The following FLRT1 variants were observed in gnomAD, a reference collection of about 807,000 sequenced individuals.
FLRT1 encodes the protein fibronectin leucine rich transmembrane protein 1.
In FLRT1, 14 loss-of-function variants were observed where a neutral mutation model predicts 30.9. That is an observed-to-expected ratio of 0.45 (90% confidence interval 0.30 to 0.71). The LOEUF is 0.71. FLRT1 is among the 30% of genes least tolerant of loss of function. The pLI is 0.08. For synonymous variants in FLRT1, 368 were observed against 430.4 expected (o/e 0.85, Z 1.80); for missense variants, 737 against 949.2 (o/e 0.78, Z 2.94).
chr11:64,041,181 A>G (rs1943477109), intron 1 of FLRT1, among the ~76,000 whole-genome samples: 1 of 144,570 alleles, frequency 6.9e-6, no homozygotes, highest in South Asian at 2.3e-4. Flanking sequence ...ACCAGATTAC[A>G]ACAGATTTAG....
intron 1 of FLRT1, among the ~76,000 whole-genome samples, chr11:64,063,577 T>C (rs2134443827): frequency 6.6e-6 from 1 of 152,292 alleles, no homozygotes; most frequent in Admixed American, 6.5e-5. Flanking sequence ...ATGCGGCCTC[T>C]TCCCCGGCGT....
intron 1 of FLRT1, among the ~76,000 whole-genome samples, chr11:64,044,169 T>G (rs1472608018): frequency 2.0e-5 from 3 of 151,828 alleles, no homozygotes; most frequent in African/African-American, 4.8e-5. Context: ...CTACAACACA[T>G]GAGAGTAATC....
intron 1 of FLRT1, among the ~76,000 whole-genome samples, chr11:64,050,285 G>T (rs1943668499): frequency 6.6e-6 from 1 of 152,114 alleles, no homozygotes; most frequent in Admixed American, 6.5e-5. Context: ...TGGCTCCCCA[G>T]GACTCACAGC....
chr11:64,118,465 G>A lies in FLRT1; in HGVS notation c.*173G>A, dbSNP rs1945037768. On this transcript the variant is annotated 3_prime_UTR_variant, in exon 3 of 3. Coordinates refer to ENST00000682287, the MANE Select transcript of FLRT1 (RefSeq NM_013280.5). ...TGACGATTTTGTAGAACACAACAGT[G>A]ACAATTTTTTTTAAAAGAATAGAAG... 1.5e-6 allele frequency: 1 copy of A among 645,356 alleles called. No individual in the cohort carries two copies. Among genetic ancestry groups the A allele is most frequent in the Non-Finnish European group, 2.4e-6 (1 of 418,162 alleles). 40.0% of individuals were successfully genotyped at this position (645,356 alleles called of 1,614,324 possible).
In FLRT1 at chr11:64,117,906, C is replaced by T. The variant is rs781414347; in HGVS notation, c.1639C>T (p.Pro547Ser). 1.2e-6 allele frequency: 2 copies of T among 1,613,894 alleles called. No homozygotes were observed. The highest frequency in any genetic ancestry group is 1.7e-5 in the Admixed American group (1 of 60,032). ...TTLNQEQNAG[P>S]MASLPLAGII... The stretch of plus-strand genomic sequence containing the variant: ...ACTCAACCAGGAGCAGAACGCTGGC[C>T]CCATGGCGAGCCTGCCCCTGGCGGG... The change falls in exon 3 of 3, where the codon CCC becomes TCC. Residue 547 changes from proline to serine, a missense_variant. Transcript: ENST00000682287.
chr11:64,085,972 A>G (rs1433046987), intron 1 of FLRT1, among the ~76,000 whole-genome samples: 1 of 130,058 alleles, frequency 7.7e-6, no homozygotes, highest in Non-Finnish European at 1.6e-5. Flanking sequence ...GCCTCAGCAG[A>G]TGGTTAGTGG....
rs907684035 is a variant in FLRT1, at chr11:64,090,892, G to A, written c.-1037-12302G>A. On this transcript the variant is annotated intron_variant, in intron 1 of 2. Coordinates refer to ENST00000682287, the MANE Select transcript of FLRT1 (RefSeq NM_013280.5). The surrounding 1 kb of genome is among the most constrained non-coding windows in gnomAD (Gnocchi z 4.7). Reference sequence around the variant, plus strand: ...GACGAAGTAAAGCAGGAGAGGGCAGGGGGAGGGACAGCCAGGGTGGTCACA... The same window carrying A: ...GACGAAGTAAAGCAGGAGAGGGCAGAGGGAGGGACAGCCAGGGTGGTCACA... Among the ~76,000 whole-genome samples, 2 of 152,214 alleles carry A rather than the reference G, an allele frequency of 1.3e-5. No individual in the cohort carries two copies. The highest frequency in any genetic ancestry group is 3.4e-3 in the Middle Eastern group (1 of 294).
At chr11:64,040,205 C>A (rs1943458928) in intron 1 of FLRT1, among the ~76,000 whole-genome samples, 1 of 152,040 alleles carries the variant, frequency 6.6e-6, no homozygotes, top group Admixed American at 6.5e-5. Context: ...CCCCGTGAAG[C>A]CTTGGCTCTG....
Position 64,090,292 on chromosome 11 carries a change from C to T in FLRT1, c.-1037-12902C>T, listed in dbSNP as rs1159770893. Among the ~76,000 whole-genome samples the T allele has an allele frequency of 1.3e-5, 2 of 152,160 alleles. No individual in the cohort carries two copies. The highest frequency in any genetic ancestry group is 2.4e-5 in the African/African-American group (1 of 41,424). On this transcript the variant is annotated intron_variant, in intron 1 of 2. Transcript: ENST00000682287. This position sits in a 1 kb window ranked among gnomAD's most constrained non-coding sequence, Gnocchi z 4.7. ...GAAATGCATCGTGCGTTGCTTTTCC[C>T]GTCTGGGAGTCTAATAGTCAGCAGT...
At chr11:64,058,305 C>G (rs1372559590) in intron 1 of FLRT1, among the ~76,000 whole-genome samples, 1 of 152,262 alleles carries the variant, frequency 6.6e-6, no homozygotes, top group Non-Finnish European at 1.5e-5. Context: ...TGCTGTGCTC[C>G]TTGGTGCCCA....
chr11:64,089,049 C>T (rs1013533932), intron 1 of FLRT1, among the ~76,000 whole-genome samples: 2 of 152,210 alleles, frequency 1.3e-5, no homozygotes, highest in African/African-American at 2.4e-5. Context: ...CTCAGGAACT[C>T]GTGCCCCGCC....
intron 1 of FLRT1, among the ~76,000 whole-genome samples, chr11:64,050,463 A>C (rs1943672227): frequency 6.6e-6 from 1 of 151,824 alleles, no homozygotes; most frequent in Non-Finnish European, 1.5e-5. Context: ...CACTGCTTCC[A>C]CTCTGCCCCT....
chr11:64,112,630 G>A (rs555020043), intron 2 of FLRT1, among the ~76,000 whole-genome samples: 6 of 152,198 alleles, frequency 3.9e-5, no homozygotes, highest in Non-Finnish European at 5.9e-5. Flanking sequence ...TATAATTCTC[G>A]ATAGGGTGCC....
Position 64,117,148 on chromosome 11 carries a change from G to T in FLRT1, c.881G>T (p.Arg294Leu), listed in dbSNP as rs770098892. Residue 294 changes from arginine (R) to leucine (L), a missense_variant, in exon 3 of 3, where the codon CGT becomes CTT. By Grantham distance (102) the Arg-to-Leu change is moderately radical. Transcript: ENST00000682287. ...HIPYNTLAKMRELERLDLSNN... is the reference protein window; with the variant it reads ...HIPYNTLAKMLELERLDLSNN... ...CCCTACAACACGCTGGCCAAGATGC[G>T]TGAGCTGGAGCGGCTGGACCTGTCC... 21 of 1,613,692 alleles carry T rather than the reference G, an allele frequency of 1.3e-5. No homozygotes were observed. Among genetic ancestry groups the T allele is most frequent in the African/African-American group, 1.3e-5 (1 of 74,936 alleles).
intron 2 of FLRT1, among the ~76,000 whole-genome samples, chr11:64,115,602 C>A (rs1001766601): frequency 6.6e-6 from 1 of 152,228 alleles, no homozygotes; most frequent in Non-Finnish European, 1.5e-5. Flanking sequence ...GACAATGAAG[C>A]TCCCTGCTCT....
At chr11:64,078,730 G>C (rs1456885767) in intron 1 of FLRT1, among the ~76,000 whole-genome samples, 2 of 152,108 alleles carry the variant, frequency 1.3e-5, no homozygotes, top group Non-Finnish European at 2.9e-5. Flanking sequence ...CCTCAGGGAG[G>C]GCACCCCAAG....
rs1944019261 is a variant in FLRT1 at position 64,067,127 on chromosome 11, G to C, written c.-1038+30968G>C. On this transcript the variant is annotated intron_variant, in intron 1 of 2. Transcript: ENST00000682287. This position sits in a 1 kb window ranked among gnomAD's most constrained non-coding sequence, Gnocchi z 4.6. The stretch of plus-strand genomic sequence containing the variant: ...GCCATTCTCATTACACCACAGGCCA[G>C]GGCCAAGTAGGCAGGGCTGGTGGGG... 6.6e-6 allele frequency among the ~76,000 whole-genome samples: 1 copy of C among 152,200 alleles called. No individual in the cohort carries two copies. The highest frequency in any genetic ancestry group is 2.1e-4 in the South Asian group (1 of 4,834).
At position 64,116,991 on chromosome 11, in the gene FLRT1, G is replaced by A. The variant is rs779806631; in HGVS notation, c.724G>A (p.Asp242Asn). 11 of 1,612,410 alleles carry A rather than the reference G, an allele frequency of 6.8e-6. No homozygotes were observed. The highest frequency in any genetic ancestry group is 1.7e-5 in the Admixed American group (1 of 59,970). ...NLLANQRIAD[D>N]TFSRLQNLTE... ...GCTGGCCAACCAGCGCATCGCCGACGACACCTTCAGCCGCCTACAGAACCT... is the reference window on the plus strand; with the variant it reads ...GCTGGCCAACCAGCGCATCGCCGACAACACCTTCAGCCGCCTACAGAACCT... Residue 242 changes from aspartate (D) to asparagine (N), a missense_variant, in exon 3 of 3, where the codon GAC becomes AAC. Asp to Asn is a conservative substitution (Grantham distance 23). Coordinates refer to ENST00000682287, the MANE Select transcript of FLRT1 (RefSeq NM_013280.5).
chr11:64,081,488 C>T (rs887592496), intron 1 of FLRT1, among the ~76,000 whole-genome samples: 3 of 152,174 alleles, frequency 2.0e-5, no homozygotes, highest in Non-Finnish European at 4.4e-5. Context: ...TCAGGACAAG[C>T]CCTGCCTGGT....
Sources: gnomAD v4.1 joint callset for allele counts (sites outside exome capture counted in the v4.1 genomes callset) on GRCh38, gnomAD v4.1.1 for gene constraint, Gnocchi (gnomAD v3.1) non-coding constraint, MANE v1.5 for transcripts, NCBI Gene and HGNC (gene_info 2026-07-23, HGNC 2026-07-21) for gene names.